Variants in HPSE2 observed in about 807,000 individuals in gnomAD.
The protein encoded by HPSE2 is inactive heparanase-2.
A neutral mutation model predicts 60.5 loss-of-function variants in HPSE2; 38 were observed. That is an observed-to-expected ratio of 0.63 (90% confidence interval 0.48 to 0.82). The LOEUF (loss-of-function observed/expected upper bound fraction) is 0.82. Ranked by LOEUF, HPSE2 falls within the 40% of genes least tolerant of loss-of-function variation. The pLI is 0.00. For missense variants in HPSE2, 713 were observed against 740.4 expected, an observed-to-expected ratio of 0.96 and a Z score of 0.43; for synonymous variants, 295 against 293.2, an observed-to-expected ratio of 1.01 and a Z score of -0.06.
chr10:98,910,202 G>A (rs965472821), intron 3 of HPSE2, among the ~76,000 whole-genome samples: 3 of 152,208 alleles, frequency 2.0e-5, no homozygotes, highest in Non-Finnish European at 2.9e-5. Context: ...ACAGTTGTGA[G>A]GGAGGGGCTA....
Position 99,218,186 on chromosome 10 carries a change from T to C in HPSE2, c.448+14162A>G, listed in dbSNP as rs533273400. Among the ~76,000 whole-genome samples the C allele has an allele frequency of 8.6e-5, 13 of 151,798 alleles. No homozygotes were observed. The East Asian group carries it at 2.6e-3, about 30-fold the overall frequency. Reference sequence around the variant, plus strand: ...TGGTCCCATCCTACAGGTAAGTAACTGCCACAGTCAAAGAACACATTATCT... The same window carrying C: ...TGGTCCCATCCTACAGGTAAGTAACCGCCACAGTCAAAGAACACATTATCT... On this transcript the variant is annotated intron_variant, in intron 2 of 11. Transcript: ENST00000370552.
intron 3 of HPSE2, among the ~76,000 whole-genome samples, chr10:98,782,728 T>C (rs1950501171): frequency 9.7e-6 from 1 of 103,240 alleles, no homozygotes; most frequent in Non-Finnish European, 2.1e-5. Flanking sequence ...TCCACACATA[T>C]TTAGTCAGCT....
chr10:98,745,231 T>C (rs998263336), intron 3 of HPSE2, among the ~76,000 whole-genome samples: 6 of 152,038 alleles, frequency 3.9e-5, no homozygotes, highest in Non-Finnish European at 8.8e-5. Context: ...AAAAAAGAAA[T>C]ATGTTCATTA....
chr10:98,770,017 C>T (rs1171279871), intron 3 of HPSE2, among the ~76,000 whole-genome samples: 1 of 152,106 alleles, frequency 6.6e-6, no homozygotes, highest in African/African-American at 2.4e-5. Context: ...AAGAGAAATC[C>T]CTTTGCCCAA....
chr10:98,753,201 G>A (rs1381811565), intron 3 of HPSE2, among the ~76,000 whole-genome samples: 2 of 152,102 alleles, frequency 1.3e-5, no homozygotes, highest in Non-Finnish European at 2.9e-5. Context: ...CAGATGTTAT[G>A]TATTATCACT....
At chr10:99,011,336 C>G (rs1957009154) in intron 3 of HPSE2, among the ~76,000 whole-genome samples, 1 of 151,934 alleles carries the variant, frequency 6.6e-6, no homozygotes, top group Admixed American at 6.6e-5. Context: ...AAAGTTGGAT[C>G]AATACTTATA....
rs1221269618 is a variant in HPSE2, at chr10:98,782,652, C to T, written c.611-38596G>A. Reference sequence around the variant, plus strand: ...CTATTATAAAGCTATAATAATTAAGCCAATGTAATGTTGATGAGAGGAGAG... The same window carrying T: ...CTATTATAAAGCTATAATAATTAAGTCAATGTAATGTTGATGAGAGGAGAG... On this transcript the variant is annotated intron_variant, in intron 3 of 11. Coordinates refer to ENST00000370552, the MANE Select transcript of HPSE2 (RefSeq NM_021828.5). 1.3e-3 allele frequency among the ~76,000 whole-genome samples: 108 copies of T among 80,354 alleles called. 2 individuals are homozygous for T. Among genetic ancestry groups the T allele is most frequent in the Non-Finnish European group, 2.1e-3 (79 of 37,494 alleles). 52.7% of individuals were successfully genotyped at this position (80,354 alleles called of 152,430 possible).
chr10:98,984,401 G>C (rs183195662), intron 3 of HPSE2, among the ~76,000 whole-genome samples: 15 of 152,316 alleles, frequency 9.8e-5, no homozygotes, highest in Non-Finnish European at 1.5e-5. Flanking sequence ...TGGACCTCCA[G>C]CAAACTCCAA....
chr10:99,022,750 G>C (rs2135429570), intron 3 of HPSE2, among the ~76,000 whole-genome samples: 1 of 152,258 alleles, frequency 6.6e-6, no homozygotes, highest in South Asian at 2.1e-4. Flanking sequence ...TGGGCCAGTA[G>C]AGATTCCCCT....
chr10:98,975,405 G>C (rs1956060964), intron 3 of HPSE2, among the ~76,000 whole-genome samples: 1 of 152,050 alleles, frequency 6.6e-6, no homozygotes, highest in South Asian at 2.1e-4. Context: ...AATTCAACTT[G>C]AGGCACCAAT....
At chr10:99,291,704 G>A in the HPSE2 span, among the ~76,000 whole-genome samples, 5 of 152,206 alleles carry the variant, frequency 3.3e-5, no homozygotes, top group Middle Eastern at 3.4e-3. Context: ...CTCGAGAGAA[G>A]AGATTTTCGA....
intron 9 of HPSE2, among the ~76,000 whole-genome samples, chr10:98,601,269 T>A (rs1375483444): frequency 1.3e-5 from 2 of 152,190 alleles, no homozygotes; most frequent in Non-Finnish European, 2.9e-5. Context: ...CTAAAGAATA[T>A]CTTCATAGAA....
At chr10:99,193,458 A>G (rs1426921106) in intron 2 of HPSE2, among the ~76,000 whole-genome samples, 1 of 152,068 alleles carries the variant, frequency 6.6e-6, no homozygotes, top group Non-Finnish European at 1.5e-5. Flanking sequence ...TAAAAGTCTA[A>G]ACTTTCCAAT....
chr10:98,714,318 T>G lies in HPSE2; in HGVS notation c.956+7339A>C, dbSNP rs371159249. On this transcript the variant is annotated intron_variant, in intron 5 of 11. Transcript: ENST00000370552. ...CATTAACAATCTAATTCTAGAATAT[T>G]TCATCATTCCAAAAAGAAACCCTGT... Among the ~76,000 whole-genome samples the G allele has an allele frequency of 2.6e-5, 4 of 152,024 alleles. No individual in the cohort carries two copies. In the East Asian group the frequency reaches 5.8e-4, roughly 22 times the overall value.
At chr10:98,635,384 G>A (rs988008516) in intron 7 of HPSE2, among the ~76,000 whole-genome samples, 2 of 152,160 alleles carry the variant, frequency 1.3e-5, no homozygotes, top group Non-Finnish European at 2.9e-5. Context: ...TACAGGGTAT[G>A]TATCCACAAG....
At chr10:99,276,095 T>C in the HPSE2 span, among the ~76,000 whole-genome samples, 1 of 152,226 alleles carries the variant, frequency 6.6e-6, no homozygotes, top group African/African-American at 2.4e-5. Flanking sequence ...TTATCACACA[T>C]AGTGCTTCGC....
chr10:99,048,928 G>A (rs1957925238), intron 3 of HPSE2, among the ~76,000 whole-genome samples: 1 of 152,188 alleles, frequency 6.6e-6, no homozygotes, highest in South Asian at 2.1e-4. Flanking sequence ...GTTACTTGCA[G>A]CAACATGGAT....
At chr10:98,863,699 C>T (rs1163105983) in intron 3 of HPSE2, among the ~76,000 whole-genome samples, 1 of 152,136 alleles carries the variant, frequency 6.6e-6, no homozygotes, top group East Asian at 1.9e-4. Flanking sequence ...TGGCCTAAAA[C>T]CCCTAACTGT....
intron 3 of HPSE2, among the ~76,000 whole-genome samples, chr10:98,840,922 C>A (rs1951896511): frequency 6.6e-6 from 1 of 152,150 alleles, no homozygotes; most frequent in African/African-American, 2.4e-5. Context: ...TCATGACATA[C>A]TGTAATTATT....
Sources: gnomAD v4.1 joint callset for allele counts (sites outside exome capture counted in the v4.1 genomes callset) on GRCh38, gnomAD v4.1.1 for gene constraint, MANE v1.5 for transcripts, NCBI Gene and HGNC (gene_info 2026-07-23, HGNC 2026-07-21) for gene names.